The following ITGAV variants were observed in gnomAD, a reference collection of about 807,000 sequenced individuals.
ITGAV encodes the protein integrin subunit alpha V, also known as integrin alpha-V.
Under a neutral mutation model 143.8 loss-of-function variants are expected in ITGAV, and 76 were observed. The ratio of observed to expected loss-of-function variants is 0.53; its 90% CI spans 0.44 to 0.64. ITGAV has a LOEUF of 0.64. Among genes scored for constraint, ITGAV ranks in the 30% least tolerant of loss-of-function variants. The pLI is 0.00. For synonymous variants in ITGAV, 453 were observed against 446.7 expected (o/e 1.01, Z -0.18); for missense variants, 1,193 against 1,274.7 (o/e 0.94, Z 0.98).
chr2:186,631,627 T>G (rs757708209), intron 5 of ITGAV, among the ~76,000 whole-genome samples: 1 of 152,228 alleles, frequency 6.6e-6, no homozygotes, highest in Non-Finnish European at 1.5e-5. Context: ...AGAAAGCTTA[T>G]ATGTACGCTT....
chr2:186,591,053 A>G (rs2105640299), intron 1 of ITGAV, among the ~76,000 whole-genome samples: 1 of 152,298 alleles, frequency 6.6e-6, no homozygotes, highest in South Asian at 2.1e-4. Flanking sequence ...ATGACTTAAA[A>G]TGACCATACT....
intron 1 of ITGAV, among the ~76,000 whole-genome samples, chr2:186,601,292 C>T (rs149685928): frequency 1.8e-3 from 265 of 151,340 alleles, no homozygotes; most frequent in African/African-American, 5.7e-3. Context: ...CCCACCCCTA[C>T]AGAAAATTTA....
chr2:186,659,122 A>G lies in ITGAV; in HGVS notation c.1804A>G (p.Thr602Ala). Reference protein sequence around the residue: ...RLDYRTAADTTGLQPILNQFT... With the variant: ...RLDYRTAADTAGLQPILNQFT... ...GGATTATAGAACAGCTGCTGATACA[A>G]CAGGCTTGCAACCCATTCTTAACCA... The change falls in exon 18 of 30, where the codon ACA becomes GCA. Residue 602 changes from threonine to alanine, a missense_variant. By Grantham distance (58) the Thr-to-Ala change is moderately conservative. Transcript: ENST00000261023. 6.2e-7 allele frequency: 1 copy of G among 1,613,072 alleles called. No homozygotes were observed. The highest frequency in any genetic ancestry group is 8.5e-7 in the Non-Finnish European group (1 of 1,179,242).
rs35139936 is a variant in ITGAV, at chr2:186,652,931, A to ATTTT, written c.1505+864_1505+867dup. Among the ~76,000 whole-genome samples the ATTTT allele has an allele frequency of 1.9e-3, 160 of 82,440 alleles. 2 individuals are homozygous for ATTTT. Among genetic ancestry groups the ATTTT allele is most frequent in the Middle Eastern group, 9.8e-3 (1 of 102 alleles). The allele number at this position is 82,440 out of a possible 152,430, so 54.1% of individuals were successfully genotyped here. On this transcript the variant is annotated intron_variant, in intron 15 of 29. Transcript: ENST00000261023. ...AATTTTTGCTCTATTTTCATTATAGATTTTTTTTTTTTTTTTTTTTTTTTT... is the reference window on the plus strand; with the variant it reads ...AATTTTTGCTCTATTTTCATTATAGATTTTTTTTTTTTTTTTTTTTTTTTTTTTT...
chr2:186,658,986 C>T, intron 17 of ITGAV, 52 bp from the exon 18 acceptor site: 2 of 1,446,116 alleles, frequency 1.4e-6, no homozygotes, highest in South Asian at 2.6e-5. Flanking sequence ...ATGGATTTCT[C>T]CAGATAATTT....
Position 186,602,146 on chromosome 2 carries a change from C to G in ITGAV, c.311C>G (p.Ala104Gly). 1 of 1,602,766 alleles carries G rather than the reference C, an allele frequency of 6.2e-7. No homozygotes were observed. The highest frequency in any genetic ancestry group is 8.5e-7 in the Non-Finnish European group (1 of 1,176,056). The change falls in exon 2 of 30, where the codon GCA becomes GGA. Residue 104 changes from alanine (A) to glycine (G), a missense_variant. Transcript: ENST00000261023. Reference protein sequence around the residue: ...TRRCQPIEFDATGNRDYAKDD... With the variant: ...TRRCQPIEFDGTGNRDYAKDD... Reference sequence around the variant, plus strand: ...CGGTGCCAGCCAATTGAATTTGATGCAACAGGTAAATTTTGATGCACAATT... The same window carrying G: ...CGGTGCCAGCCAATTGAATTTGATGGAACAGGTAAATTTTGATGCACAATT...
intron 14 of ITGAV, among the ~76,000 whole-genome samples, chr2:186,650,159 T>A (rs1412069020): frequency 6.6e-6 from 1 of 152,192 alleles, no homozygotes; most frequent in African/African-American, 2.4e-5. Context: ...CAAACATTGA[T>A]CATTTATTTG....
Position 186,630,859 on chromosome 2 carries a change from G to GT in ITGAV, c.585+2dup. On this transcript the variant is annotated splice_donor_variant, in intron 5 of 29. Coordinates refer to ENST00000261023, the MANE Select transcript of ITGAV (RefSeq NM_002210.5). LOFTEE classifies it high-confidence loss of function. The stretch of plus-strand genomic sequence containing the variant: ...AGGATTCAGCATTGATTTTACTAAA[G>GT]TAAGTTCTTATTTAAGACTGAATGA... The GT allele has an allele frequency of 6.5e-7, 1 of 1,530,828 alleles. No homozygotes were observed. Among genetic ancestry groups the GT allele is most frequent in the South Asian group, 1.1e-5 (1 of 88,224 alleles). 94.8% of individuals were successfully genotyped at this position (1,530,828 alleles called of 1,614,324 possible).
At position 186,677,753 on chromosome 2, in the gene ITGAV, A is replaced by T. The variant is rs1454460590; in HGVS notation, c.*461A>T. ...GTTAATACATATTACACTACAGTTT[A>T]CTTTTCAGAATACTAAAGACTTTAT... On this transcript the variant is annotated 3_prime_UTR_variant, in exon 30 of 30. Coordinates refer to ENST00000261023, the MANE Select transcript of ITGAV (RefSeq NM_002210.5). 5 of 154,182 alleles carry T rather than the reference A, an allele frequency of 3.2e-5. No individual in the cohort carries two copies. Among genetic ancestry groups the T allele is most frequent in the Non-Finnish European group, 7.2e-5 (5 of 69,138 alleles). 9.6% of individuals were successfully genotyped at this position (154,182 alleles called of 1,614,324 possible).
At chr2:186,601,911 TA>T (rs1210143644) in intron 1 of ITGAV, 109 bp from the exon 2 acceptor site, 5 of 1,167,336 alleles carry the variant, frequency 4.3e-6, no homozygotes, top group South Asian at 4.1e-5. Context: ...CAAATGGTTT[TA>T]AAAAATATTT....
intron 13 of ITGAV, among the ~76,000 whole-genome samples, chr2:186,648,771 G>A (rs1688333777): frequency 6.6e-6 from 1 of 152,010 alleles, no homozygotes; most frequent in South Asian, 2.1e-4. Flanking sequence ...GGGATTACAG[G>A]CATGAGCCAC....
chr2:186,641,609 C>CTA, intron 12 of ITGAV, 21 bp downstream of exon 12: 2 of 1,596,988 alleles, frequency 1.3e-6, no homozygotes, highest in Non-Finnish European at 1.7e-6. Flanking sequence ...AGTTTAGCAG[C>CTA]TACAGGTCCC....
intron 3 of ITGAV, among the ~76,000 whole-genome samples, chr2:186,623,503 A>G (rs900381666): frequency 6.6e-6 from 1 of 152,012 alleles, no homozygotes; most frequent in Admixed American, 6.6e-5. Flanking sequence ...CTTGATCTCT[A>G]TTTAGCTTCC....
chr2:186,623,190 A>G (rs1687582590), intron 3 of ITGAV, among the ~76,000 whole-genome samples: 1 of 152,152 alleles, frequency 6.6e-6, no homozygotes, highest in Non-Finnish European at 1.5e-5. Flanking sequence ...TCTTTACTTC[A>G]CATTCCCTTT....
chr2:186,632,981 CTAGA>C (rs56050855), intron 5 of ITGAV, among the ~76,000 whole-genome samples: 36,773 of 149,990 alleles, frequency 0.25, 5,207 homozygotes, highest in East Asian at 0.72. Context: ...TTAATATATA[CTAGA>C]TAGATAGATA....
At chr2:186,608,188 G>A (rs748511155) in intron 2 of ITGAV, among the ~76,000 whole-genome samples, 4 of 152,136 alleles carry the variant, frequency 2.6e-5, no homozygotes, top group South Asian at 2.1e-4. Context: ...GTTCTGTCCT[G>A]CTGGAAAGCT....
At chr2:186,625,206 C>G (rs927980134) in intron 3 of ITGAV, among the ~76,000 whole-genome samples, 3 of 151,814 alleles carry the variant, frequency 2.0e-5, no homozygotes, top group African/African-American at 7.3e-5. Flanking sequence ...GACCCCGTTT[C>G]TATAAAAAAA....
intron 1 of ITGAV, among the ~76,000 whole-genome samples, chr2:186,597,243 C>T (rs1015713313): frequency 1.3e-5 from 2 of 152,126 alleles, no homozygotes; most frequent in African/African-American, 4.8e-5. Context: ...AGGCCTTCTC[C>T]TAATAACTTC....
intron 21 of ITGAV, among the ~76,000 whole-genome samples, chr2:186,666,038 G>A (rs1450129756): frequency 6.6e-6 from 1 of 151,998 alleles, no homozygotes; most frequent in African/African-American, 2.4e-5. Flanking sequence ...CTAACTTTCT[G>A]GTTATTATAT....
Sources: allele counts gnomAD v4.1 joint callset (sites outside exome capture counted in the v4.1 genomes callset), GRCh38; gene constraint gnomAD v4.1.1; transcripts MANE v1.5; gene names NCBI Gene and HGNC (gene_info 2026-07-23, HGNC 2026-07-21).